GALNT13: variants seen among roughly 807,000 people sequenced by gnomAD.
GALNT13 encodes UDP-GalNAc:polypeptide N-acetylgalactosaminyltransferase 13.
A neutral mutation model predicts 64.2 loss-of-function variants in GALNT13; 28 were observed. The observed-to-expected ratio is 0.44, with a 90% confidence interval of 0.32 to 0.60. The LOEUF (loss-of-function observed/expected upper bound fraction) is 0.60, where lower values mean the gene tolerates loss of function less well. GALNT13 is among the 20% of genes least tolerant of loss of function. GALNT13 has a pLI of 0.05. For synonymous variants in GALNT13, 214 were observed against 224.6 expected (o/e 0.95, Z 0.42); for missense variants, 577 against 669.8 (o/e 0.86, Z 1.53).
intron 3 of GALNT13, among the ~76,000 whole-genome samples, chr2:154,124,700 T>C (rs1682154799): frequency 6.6e-6 from 1 of 151,814 alleles, no homozygotes; most frequent in African/African-American, 2.4e-5. Context: ...ATATGAAAAA[T>C]AATCAGTTTG....
chr2:153,315,435 TG>T, the GALNT13 span, among the ~76,000 whole-genome samples: 1 of 152,226 alleles, frequency 6.6e-6, no homozygotes, highest in Non-Finnish European at 1.5e-5. Flanking sequence ...TACCAGCACC[TG>T]GGTGAGCAGG....
At chr2:153,540,294 C>T in the GALNT13 span, among the ~76,000 whole-genome samples, 4 of 152,220 alleles carry the variant, frequency 2.6e-5, no homozygotes, top group South Asian at 4.1e-4. Context: ...GGTATTGGTC[C>T]TGCAGGTGCA....
the GALNT13 span, among the ~76,000 whole-genome samples, chr2:153,273,255 T>A: frequency 6.6e-6 from 1 of 152,202 alleles, no homozygotes; most frequent in Admixed American, 6.5e-5. Flanking sequence ...TCTGCACATG[T>A]ATCACAGAAC....
At chr2:154,403,841 C>T (rs948361046) in intron 10 of GALNT13, among the ~76,000 whole-genome samples, 1 of 152,148 alleles carries the variant, frequency 6.6e-6, no homozygotes, top group Non-Finnish European at 1.5e-5. Context: ...ACACTGCCTC[C>T]CTGTCTGGAA....
At chr2:153,204,915 C>G in the GALNT13 span, among the ~76,000 whole-genome samples, 1,481 of 152,252 alleles carry the variant, frequency 9.7e-3, 25 homozygotes, top group African/African-American at 0.034. Context: ...ATTTATTTAA[C>G]TACTGTATCT....
chr2:153,508,683 C>G, the GALNT13 span, among the ~76,000 whole-genome samples: 11 of 152,186 alleles, frequency 7.2e-5, no homozygotes, highest in Non-Finnish European at 1.6e-4. Flanking sequence ...GGTTTTTTAG[C>G]ATCTCAGGGA....
the GALNT13 span, among the ~76,000 whole-genome samples, chr2:153,566,739 T>A: frequency 2.6e-5 from 4 of 152,324 alleles, no homozygotes; most frequent in East Asian, 7.7e-4. Flanking sequence ...AACTAGGATT[T>A]GAAACTGTGC....
the GALNT13 span, among the ~76,000 whole-genome samples, chr2:153,517,524 A>G: frequency 2.6e-5 from 4 of 152,190 alleles, no homozygotes; most frequent in Non-Finnish European, 5.9e-5. Context: ...GACAAACCTG[A>G]AGGAACTAAT....
the GALNT13 span, among the ~76,000 whole-genome samples, chr2:153,607,213 G>A: frequency 6.8e-6 from 1 of 147,032 alleles, no homozygotes; most frequent in Non-Finnish European, 1.5e-5. Flanking sequence ...CTTGGTGAGT[G>A]ACACAAAAGT....
the GALNT13 span, chr2:153,446,855 G>A: frequency 6.6e-6 from 1 of 152,034 alleles, no homozygotes; most frequent in African/African-American, 2.4e-5. Context: ...GTAAGCTGCT[G>A]CTGACAAAAA....
At chr2:154,339,863 G>A (rs1273783658) in intron 9 of GALNT13, among the ~76,000 whole-genome samples, 2 of 152,056 alleles carry the variant, frequency 1.3e-5, no homozygotes, top group East Asian at 3.9e-4. Flanking sequence ...GTGAGTGGCT[G>A]GAAAGGATTT....
the GALNT13 span, among the ~76,000 whole-genome samples, chr2:153,542,852 G>T: frequency 6.6e-6 from 1 of 152,112 alleles, no homozygotes; most frequent in East Asian, 1.9e-4. Context: ...ATTGCTTGTG[G>T]AGGCAGTCAT....
intron 10 of GALNT13, among the ~76,000 whole-genome samples, chr2:154,401,286 A>C (rs1359187990): frequency 6.6e-6 from 1 of 152,112 alleles, no homozygotes. Flanking sequence ...GCAGAAGCTA[A>C]AACGCTTAAA....
At position 154,376,669 on chromosome 2, in the gene GALNT13, A is replaced by G. The variant is rs143564969; in HGVS notation, c.1157-19322A>G. Among the ~76,000 whole-genome samples the G allele has an allele frequency of 6.3e-3, 953 of 152,236 alleles. 16 individuals are homozygous for G. Among genetic ancestry groups the G allele is most frequent in the African/African-American group, 0.021 (890 of 41,566 alleles). ...AGCAAATTACAGGTTAATAGTGTCA[A>G]CTTTTAACTATGAGAATATTATGGC... On this transcript the variant is annotated intron_variant, in intron 9 of 12. Transcript: ENST00000392825.
the GALNT13 span, among the ~76,000 whole-genome samples, chr2:153,230,058 T>C: frequency 6.6e-6 from 1 of 152,198 alleles, no homozygotes; most frequent in African/African-American, 2.4e-5. Context: ...ATCAAATTAA[T>C]TCATATGTTG....
the GALNT13 span, among the ~76,000 whole-genome samples, chr2:153,336,000 C>A: frequency 6.6e-6 from 1 of 152,184 alleles, no homozygotes; most frequent in East Asian, 1.9e-4. Context: ...AGAGTGGAAG[C>A]CCCAAGCCTT....
chr2:153,879,024 G>A (rs1198371097), intron 1 of GALNT13, among the ~76,000 whole-genome samples: 1 of 152,122 alleles, frequency 6.6e-6, no homozygotes, highest in Non-Finnish European at 1.5e-5. Context: ...TCATTTAACT[G>A]GGATGGATCC....
At chr2:153,344,327 A>G in the GALNT13 span, among the ~76,000 whole-genome samples, 3 of 152,222 alleles carry the variant, frequency 2.0e-5, no homozygotes, top group African/African-American at 7.2e-5. Flanking sequence ...CTTAGTCTTC[A>G]GTCTTCCCAT....
At chr2:154,241,608 T>C (rs1689494022) in intron 4 of GALNT13, among the ~76,000 whole-genome samples, 1 of 152,216 alleles carries the variant, frequency 6.6e-6, no homozygotes, top group South Asian at 2.1e-4. Context: ...AAATCTGTTT[T>C]ACATATTTCA....
Sources: gnomAD v4.1 joint callset for allele counts (sites outside exome capture counted in the v4.1 genomes callset) on GRCh38, gnomAD v4.1.1 for gene constraint, MANE v1.5 for transcripts, NCBI Gene and HGNC (gene_info 2026-07-23, HGNC 2026-07-21) for gene names.